NRCAM: variants seen among roughly 807,000 people sequenced by gnomAD.
The protein encoded by NRCAM is neuronal cell adhesion molecule.
Under a neutral mutation model 156.5 loss-of-function variants are expected in NRCAM, and 83 were observed. That is an observed-to-expected ratio of 0.53 (90% CI 0.44 to 0.64). NRCAM has a LOEUF of 0.64. Among genes scored for constraint, NRCAM ranks in the 30% least tolerant of loss-of-function variants. The pLI is 0.00. For missense variants in NRCAM, 1,417 were observed against 1,597.3 expected (o/e 0.89, Z 1.92); for synonymous variants, 538 against 563.9 (o/e 0.95, Z 0.65).
rs368801646 is a variant in NRCAM at position 108,394,502 on chromosome 7, CTCTT to C, written c.-174+4930_-174+4933del. ...GTATTTCTCTCTCCTCTTAGTCTCTCTCTTTGCCTCTTTCTGTCTTTGTCTCTGC... is the reference window on the plus strand; with the variant it reads ...GTATTTCTCTCTCCTCTTAGTCTCTCTGCCTCTTTCTGTCTTTGTCTCTGC... On this transcript the variant is annotated intron_variant, in intron 2 of 32. Coordinates refer to ENST00000379028, the MANE Select transcript of NRCAM (RefSeq NM_001037132.4). Among the ~76,000 whole-genome samples, 4 of 152,304 alleles carry C rather than the reference CTCTT, an allele frequency of 2.6e-5. No individual in the cohort carries two copies. The South Asian group carries it at 6.2e-4, about 24-fold the overall frequency.
chr7:108,176,477 CCTG>C lies in NRCAM; in HGVS notation c.3101_3103del (p.Ala1034del). ...TTCCTCTGTAATTTGACTTCCTGAT[CCTG>C]CTGATGTTTGTGCATAGAAATAAAA... is the stretch of plus-strand genomic sequence containing the variant. On this transcript the variant is annotated inframe_deletion, in exon 27 of 33. Transcript: ENST00000379028. The C allele has an allele frequency of 1.9e-6, 3 of 1,613,578 alleles. No individual in the cohort carries two copies. Among genetic ancestry groups the C allele is most frequent in the Non-Finnish European group, 2.5e-6 (3 of 1,179,832 alleles).
intron 2 of NRCAM, among the ~76,000 whole-genome samples, chr7:108,361,701 A>G (rs1266346053): frequency 6.6e-6 from 1 of 152,068 alleles, no homozygotes; most frequent in Non-Finnish European, 1.5e-5. Flanking sequence ...CAGCTTTCCA[A>G]TTCATCCTGC....
chr7:108,244,998 C>T (rs1023741405), intron 3 of NRCAM, among the ~76,000 whole-genome samples: 1 of 152,188 alleles, frequency 6.6e-6, no homozygotes, highest in African/African-American at 2.4e-5. Flanking sequence ...CTAATGGCTA[C>T]CATTCACTGA....
rs1237605058 is a variant in NRCAM, at chr7:108,257,984, G to A, written c.-106-17814C>T. On this transcript the variant is annotated intron_variant, in intron 3 of 32. Transcript: ENST00000379028. Reference sequence around the variant, plus strand: ...ATTATGAACACTTTTCAAAGTCAACGCTACTGACTTCTATCTTCCTAAGCA... The same window carrying A: ...ATTATGAACACTTTTCAAAGTCAACACTACTGACTTCTATCTTCCTAAGCA... Among the ~76,000 whole-genome samples the A allele has an allele frequency of 5.3e-5, 8 of 152,158 alleles. No individual in the cohort carries two copies. The East Asian group carries it at 1.5e-3, about 29-fold the overall frequency.
chr7:108,432,859 C>T (rs373533853), intron 1 of NRCAM, among the ~76,000 whole-genome samples: 14 of 151,654 alleles, frequency 9.2e-5, no homozygotes, highest in East Asian at 7.8e-4. Context: ...CACCACTGCA[C>T]TCCAGCCTGG....
intron 11 of NRCAM, among the ~76,000 whole-genome samples, chr7:108,211,479 T>C (rs1343765030): frequency 6.6e-6 from 1 of 152,148 alleles, no homozygotes; most frequent in African/African-American, 2.4e-5. Flanking sequence ...AGGTGGATAG[T>C]CTGGGGCAAG....
intron 2 of NRCAM, among the ~76,000 whole-genome samples, chr7:108,378,047 T>C (rs2099683707): frequency 6.6e-6 from 1 of 152,180 alleles, no homozygotes; most frequent in Non-Finnish European, 1.5e-5. Flanking sequence ...ACAGAATTCA[T>C]ACAGATAAAG....
chr7:108,261,990 G>C (rs2096904972), intron 3 of NRCAM, among the ~76,000 whole-genome samples: 1 of 152,056 alleles, frequency 6.6e-6, no homozygotes, highest in Non-Finnish European at 1.5e-5. Flanking sequence ...GGATCAACCA[G>C]CCAATGCAAT....
At chr7:108,301,762 A>G (rs962276137) in intron 3 of NRCAM, among the ~76,000 whole-genome samples, 2 of 152,166 alleles carry the variant, frequency 1.3e-5, no homozygotes, top group Non-Finnish European at 2.9e-5. Context: ...GGGGCTCAAA[A>G]TGAAAAATTT....
In NRCAM at chr7:108,148,528, T is replaced by C. The variant is rs2039855932; in HGVS notation, c.*1382A>G. 6.5e-6 allele frequency: 1 copy of C among 152,692 alleles called. No individual in the cohort carries two copies. The highest frequency in any genetic ancestry group is 1.5e-5 in the Non-Finnish European group (1 of 68,052). 9.5% of individuals were successfully genotyped at this position (152,692 alleles called of 1,614,324 possible). ...TGGAGGTAACCCATTTGATAGATAT[T>C]GTTTATGAATACGATAGAATATATA... On this transcript the variant is annotated 3_prime_UTR_variant, in exon 33 of 33. Transcript: ENST00000379028.
chr7:108,195,228 G>C (rs1462531510), intron 15 of NRCAM, among the ~76,000 whole-genome samples: 1 of 151,622 alleles, frequency 6.6e-6, no homozygotes, highest in Non-Finnish European at 1.5e-5. Flanking sequence ...ATGTAGATCT[G>C]TGCTTGATAG....
intron 3 of NRCAM, among the ~76,000 whole-genome samples, chr7:108,266,864 G>A (rs896559271): frequency 9.9e-5 from 15 of 151,928 alleles, no homozygotes; most frequent in African/African-American, 3.6e-4. Flanking sequence ...TCTTTTAAAG[G>A]ACATTCCTGT....
chr7:108,175,797 G>C (rs921827336), intron 27 of NRCAM, among the ~76,000 whole-genome samples: 2 of 152,048 alleles, frequency 1.3e-5, no homozygotes, highest in African/African-American at 4.8e-5. Flanking sequence ...TGAATCTCAA[G>C]ATTTCAGAAT....
chr7:108,352,595 T>C (rs1201852047), intron 2 of NRCAM, among the ~76,000 whole-genome samples: 1 of 152,208 alleles, frequency 6.6e-6, no homozygotes, highest in East Asian at 1.9e-4. Context: ...CTATAAAAAA[T>C]AACCACATAC....
intron 3 of NRCAM, among the ~76,000 whole-genome samples, chr7:108,291,545 G>T (rs1032815874): frequency 3.9e-5 from 6 of 152,258 alleles, no homozygotes; most frequent in African/African-American, 1.4e-4. Flanking sequence ...GCTAACGATA[G>T]TTATCACTGA....
chr7:108,357,679 G>A (rs1318025426), intron 2 of NRCAM, among the ~76,000 whole-genome samples: 2 of 152,188 alleles, frequency 1.3e-5, no homozygotes, highest in East Asian at 3.9e-4. Context: ...TCTTTTTGCT[G>A]GTCTTAGAGA....
At chr7:108,246,452 C>T (rs959794731) in intron 3 of NRCAM, among the ~76,000 whole-genome samples, 6 of 152,016 alleles carry the variant, frequency 3.9e-5, no homozygotes, top group African/African-American at 7.3e-5. Flanking sequence ...AGTGAGTCAG[C>T]GGTTTGGAGC....
chr7:108,367,825 T>C (rs1319921162), intron 2 of NRCAM, among the ~76,000 whole-genome samples: 1 of 152,196 alleles, frequency 6.6e-6, no homozygotes, highest in Non-Finnish European at 1.5e-5. Context: ...GGTTGGAAAA[T>C]GTGGTAATCC....
intron 13 of NRCAM, among the ~76,000 whole-genome samples, chr7:108,198,878 C>T (rs2076500602): frequency 6.6e-6 from 1 of 152,206 alleles, no homozygotes; most frequent in Non-Finnish European, 1.5e-5. Flanking sequence ...TTGATCCTTA[C>T]TGAAGTGGAA....
Sources: gnomAD v4.1 joint callset for allele counts (sites outside exome capture counted in the v4.1 genomes callset) on GRCh38, gnomAD v4.1.1 for gene constraint, MANE v1.5 for transcripts, NCBI Gene and HGNC (gene_info 2026-07-23, HGNC 2026-07-21) for gene names.